Variants in SLC6A14 observed in about 807,000 individuals in gnomAD.
SLC6A14 encodes the protein solute carrier family 6 member 14.
In SLC6A14, 21 loss-of-function variants were observed where a neutral mutation model predicts 51.4. The observed-to-expected ratio is 0.41, with a 90% confidence interval of 0.29 to 0.59. The LOEUF is 0.59. Among genes scored for constraint, SLC6A14 ranks in the 20% least tolerant of loss-of-function variants. SLC6A14 has a pLI of 0.31. For synonymous variants in SLC6A14, 177 were observed against 160.7 expected, an observed-to-expected ratio of 1.10 and a Z score of -0.77; for missense variants, 371 against 472.8, an observed-to-expected ratio of 0.78 and a Z score of 2.00.
At position 116,449,490 on chromosome X, in the gene SLC6A14, A is replaced by G. The variant is rs188086742; in HGVS notation, c.931-1952A>G. Among the ~76,000 whole-genome samples the G allele has an allele frequency of 4.0e-3, 453 of 111,977 alleles. 3 individuals carry two copies. The highest frequency in any genetic ancestry group is 0.013 in the African/African-American group (411 of 30,838). On this transcript the variant is annotated intron_variant, in intron 7 of 13. Transcript: ENST00000598581. ...CTGTTAATATGGGCAATGACCAAAG[A>G]AAAAAGAGGGCATTTTATTTCTAAC...
Position 116,460,224 on chromosome X carries a change from G to A in SLC6A14, c.*1269G>A, listed in dbSNP as rs908495874. The A allele has an allele frequency of 8.1e-5, 9 of 111,652 alleles. No homozygotes were observed. The highest frequency in any genetic ancestry group is 2.9e-4 in the African/African-American group (9 of 30,723). The allele number at this position is 111,652 out of a possible 1,213,427, so 9.2% of individuals were successfully genotyped here. ...ATGCATTTTTCTAGGGAGAGAGTCC[G>A]TAGGTTTATCAGAATATCAAGGAAA... On this transcript the variant is annotated 3_prime_UTR_variant, in exon 14 of 14. Transcript: ENST00000598581.
At chrX:116,445,757 AG>A (rs1214718916) in intron 6 of SLC6A14, among the ~76,000 whole-genome samples, 7 of 111,595 alleles carry the variant, frequency 6.3e-5, no homozygotes, top group Non-Finnish European at 1.3e-4. Context: ...CACAATACCC[AG>A]AAAAAATGTC....
chrX:116,456,372 G>A (rs1427425881), intron 12 of SLC6A14, among the ~76,000 whole-genome samples: 1 of 109,936 alleles, frequency 9.1e-6, no homozygotes, highest in African/African-American at 3.3e-5. Context: ...ACTTTCAAAA[G>A]CTGAGCAGTT....
In SLC6A14 at chrX:116,460,436, G is replaced by A. The variant is rs782532348; in HGVS notation, c.*1481G>A. On this transcript the variant is annotated 3_prime_UTR_variant, in exon 14 of 14. Transcript: ENST00000598581. ...TAATTTATACTGGTAACTTATTTAGGGGGGAGGGGACATGAAGGTAGGTAA... is the reference window on the plus strand; with the variant it reads ...TAATTTATACTGGTAACTTATTTAGAGGGGAGGGGACATGAAGGTAGGTAA... 6 of 111,216 alleles carry A rather than the reference G, an allele frequency of 5.4e-5. No homozygotes were observed. The highest frequency in any genetic ancestry group is 1.1e-4 in the Non-Finnish European group (6 of 53,028). 9.2% of individuals were successfully genotyped at this position (111,216 alleles called of 1,213,427 possible). A position where few individuals can be genotyped will look rare whatever the true frequency, so the allele number is the denominator to read the frequency against.
intron 8 of SLC6A14, among the ~76,000 whole-genome samples, chrX:116,452,406 G>A (rs138742945): frequency 2.3e-3 from 255 of 111,045 alleles, no homozygotes; most frequent in African/African-American, 7.8e-3. Context: ...TAGTCCTCCG[G>A]GAGGTCGAAG....
At chrX:116,441,522 C>A (rs1308230576) in intron 3 of SLC6A14, among the ~76,000 whole-genome samples, 1 of 112,096 alleles carries the variant, frequency 8.9e-6, no homozygotes. Context: ...GAAGGGTAGG[C>A]CACCATTTTT....
chrX:116,455,477 A>G lies in SLC6A14; in HGVS notation c.1614+11A>G. On this transcript the variant is annotated intron_variant, in intron 12 of 13. Coordinates refer to ENST00000598581, the MANE Select transcript of SLC6A14 (RefSeq NM_007231.5). ...CCTATCCTTTTGATTGTAAGTAATA[A>G]TACACCATGAACTTGATTTCGATAA... The G allele has an allele frequency of 9.6e-7, 1 of 1,044,467 alleles. No individual in the cohort carries two copies. Among genetic ancestry groups the G allele is most frequent in the Non-Finnish European group, 1.3e-6 (1 of 744,831 alleles). 86.1% of individuals were successfully genotyped at this position (1,044,467 alleles called of 1,213,427 possible). A position where few individuals can be genotyped will look rare whatever the true frequency, so the allele number is the denominator to read the frequency against.
At chrX:116,456,884 A>T (rs782131667) in intron 12 of SLC6A14, among the ~76,000 whole-genome samples, 1 of 112,270 alleles carries the variant, frequency 8.9e-6, no homozygotes, top group South Asian at 3.6e-4. Context: ...ATTTCTAATT[A>T]ATTAGTTTTA....
intron 11 of SLC6A14, 45 bp from the exon 12 acceptor site, chrX:116,455,312 A>G (rs1602515470): frequency 9.6e-7 from 1 of 1,037,239 alleles, no homozygotes; most frequent in Non-Finnish European, 1.3e-6. Context: ...TGGTTACTGG[A>G]AGAAAATATT....
At chrX:116,436,812 G>A (rs1927491294) in intron 1 of SLC6A14, 55 bp downstream of exon 1, 1 of 1,068,942 alleles carries the variant, frequency 9.4e-7, no homozygotes, top group South Asian at 2.1e-5. Context: ...GAAAACTTAA[G>A]GGGGGTTGCT....
intron 13 of SLC6A14, 99 bp from the exon 14 acceptor site, chrX:116,458,710 G>GA: frequency 1.3e-6 from 1 of 792,404 alleles, no homozygotes; most frequent in Non-Finnish European, 1.7e-6. Flanking sequence ...TGTTAGTAGA[G>GA]AAAAAATAAT....
chrX:116,458,580 T>G (rs1175487571), intron 13 of SLC6A14, among the ~76,000 whole-genome samples: 2 of 112,048 alleles, frequency 1.8e-5, no homozygotes, highest in East Asian at 5.6e-4. Context: ...TATTTTGGTT[T>G]AGTAGTTAAT....
At chrX:116,443,883 A>ATC (rs1927652891) in intron 5 of SLC6A14, 93 bp downstream of exon 5, 1 of 716,243 alleles carries the variant, frequency 1.4e-6, no homozygotes. Context: ...CTTAACTCAC[A>ATC]TAAATAGAAA....
Position 116,455,431 on chromosome X carries a change from G to T in SLC6A14, c.1579G>T (p.Ala527Ser). Reference sequence around the variant, plus strand: ...GTGGATATTCTGGCTATGGTGGAGAGCTTGCTGGTTTGTAATTACGCCTAT... The same window carrying T: ...GTGGATATTCTGGCTATGGTGGAGATCTTGCTGGTTTGTAATTACGCCTAT... ...KRWIFWLWWR[A>S]CWFVITPILL... Residue 527 changes from alanine (A) to serine (S), a missense_variant, in exon 12 of 14, where the codon GCT (alanine) becomes TCT (serine). Ala to Ser is a moderately conservative substitution (Grantham distance 99). Coordinates refer to ENST00000598581, the MANE Select transcript of SLC6A14 (RefSeq NM_007231.5). The T allele has an allele frequency of 8.3e-7, 1 of 1,204,797 alleles. No homozygotes were observed. Among genetic ancestry groups the T allele is most frequent in the South Asian group, 1.8e-5 (1 of 56,770 alleles).
At chrX:116,439,581 A>G (rs1556693515) in intron 2 of SLC6A14, among the ~76,000 whole-genome samples, 1 of 111,684 alleles carries the variant, frequency 9.0e-6, no homozygotes, top group African/African-American at 3.2e-5. Context: ...TATATTAACA[A>G]TTTATCATCT....
At chrX:116,447,318 G>T (rs782544669) in intron 7 of SLC6A14, among the ~76,000 whole-genome samples, 2 of 111,438 alleles carry the variant, frequency 1.8e-5, no homozygotes, top group Non-Finnish European at 3.8e-5. Flanking sequence ...TTTAATATTT[G>T]CAAAATATTA....
chrX:116,452,983 G>T (rs782773968), intron 8 of SLC6A14, 34 bp from the exon 9 acceptor site: 1 of 1,063,655 alleles, frequency 9.4e-7, no homozygotes, highest in South Asian at 2.5e-5. Flanking sequence ...AATATTCTTG[G>T]TAACTAATTT....
rs987859544 is a variant in SLC6A14 at position 116,441,267 on chromosome X, C to A, written c.346+170C>A. Among the ~76,000 whole-genome samples, 4 of 112,222 alleles carry A rather than the reference C, an allele frequency of 3.6e-5. No individual in the cohort carries two copies. The Admixed American group carries it at 3.8e-4, about 11-fold the overall frequency. The stretch of plus-strand genomic sequence containing the variant: ...TGTTGTTTTGCTGTACAGTTTGCCA[C>A]TGCAGAATTTAAAAAATCAAATGTT... On this transcript the variant is annotated intron_variant, in intron 3 of 13. Coordinates refer to ENST00000598581, the MANE Select transcript of SLC6A14 (RefSeq NM_007231.5).
chrX:116,461,390 G>T lies in SLC6A14; in HGVS notation c.*2435G>T. On this transcript the variant is annotated 3_prime_UTR_variant, in exon 14 of 14. Coordinates refer to ENST00000598581, the MANE Select transcript of SLC6A14 (RefSeq NM_007231.5). ...AATGCGAACTTGGAGATAATTTATG[G>T]TATTGTATTGTAAACCATTAATGAA... is the stretch of plus-strand genomic sequence containing the variant. 1 of 152,057 alleles carries T rather than the reference G, an allele frequency of 6.6e-6. No individual in the cohort carries two copies. Among genetic ancestry groups the T allele is most frequent in the East Asian group, 1.7e-4 (1 of 5,920 alleles). The allele number at this position is 152,057 out of a possible 1,213,427, so 12.5% of individuals were successfully genotyped here. A position where few individuals can be genotyped will look rare whatever the true frequency, so the allele number is the denominator to read the frequency against.
Sources: gnomAD v4.1 joint callset for allele counts (sites outside exome capture counted in the v4.1 genomes callset) on GRCh38, gnomAD v4.1.1 for gene constraint, MANE v1.5 for transcripts, NCBI Gene and HGNC (gene_info 2026-07-23, HGNC 2026-07-21) for gene names.